The following FANCI variants were observed in gnomAD, a reference collection of about 807,000 sequenced individuals.
FANCI encodes Fanconi anemia group I protein.
FANCI carries 156 observed loss-of-function variants against 176.1 expected under a neutral mutation model. That is an observed-to-expected ratio of 0.89 (90% CI 0.78 to 1.01). FANCI has a LOEUF of 1.01. Ranked by LOEUF, FANCI falls within the 50% of genes least tolerant of loss-of-function variation. FANCI has a pLI of 0.00. For synonymous variants in FANCI, 613 were observed against 541.7 expected, an observed-to-expected ratio of 1.13 and a Z score of -1.83; for missense variants, 1,678 against 1,534.1, an observed-to-expected ratio of 1.09 and a Z score of -1.57.
At position 89,292,721 on chromosome 15, in the gene FANCI, G is replaced by T. The variant is rs756986642; in HGVS notation, c.2026G>T (p.Ala676Ser). The part of the protein sequence containing the change: ...YLLCCIQHCL[A>S]WYKNTVIPLQ... ...GCTGTGTTGTATTCAGCATTGTTTG[G>T]CCTGGTATAAGAATACAGTCATACC... is the stretch of plus-strand genomic sequence containing the variant. The change falls in exon 21 of 38, where the codon GCC becomes TCC. Residue 676 changes from alanine to serine, a missense_variant. Coordinates refer to ENST00000310775, the MANE Select transcript of FANCI (RefSeq NM_001113378.2). 6.8e-6 allele frequency: 11 copies of T among 1,613,606 alleles called. No homozygotes were observed. The African/African-American group carries it at 1.3e-4, about 20-fold the overall frequency.
Position 89,290,267 on chromosome 15 carries a change from A to G in FANCI, c.1876A>G (p.Thr626Ala), listed in dbSNP as rs2054009867. ...NSQLANSVMQ[T>A]LLSQLKQFYE... ...TCAGCTGGCTAATTCAGTCATGCAA[A>G]CTCTGCTCTCACAGGTAAAATACAT... is the stretch of plus-strand genomic sequence containing the variant. Residue 626 changes from threonine to alanine, a missense_variant, in exon 19 of 38, where the codon ACT (threonine) becomes GCT (alanine). By Grantham distance (58) the Thr-to-Ala change is moderately conservative. Transcript: ENST00000310775. 17 of 1,613,340 alleles carry G rather than the reference A, an allele frequency of 1.1e-5. No homozygotes were observed. Among genetic ancestry groups the G allele is most frequent in the Non-Finnish European group, 1.4e-5 (17 of 1,179,412 alleles).
chr15:89,247,774 C>T, intron 2 of FANCI, 43 bp downstream of exon 2: 3 of 1,518,860 alleles, frequency 2.0e-6, no homozygotes, highest in Non-Finnish European at 2.7e-6. Flanking sequence ...AAATGTCAGG[C>T]ATGATGACAC....
intron 14 of FANCI, among the ~76,000 whole-genome samples, chr15:89,280,612 T>C (rs369369571): frequency 2.0e-5 from 3 of 152,308 alleles, no homozygotes; most frequent in South Asian, 2.1e-4. Flanking sequence ...TACCAACTCA[T>C]AATGAGCTCT....
At chr15:89,303,101 C>G (rs551818445) in intron 27 of FANCI, among the ~76,000 whole-genome samples, 6 of 152,290 alleles carry the variant, frequency 3.9e-5, no homozygotes, top group African/African-American at 1.4e-4. Context: ...CCTCTTCACA[C>G]AAAAACTTGT....
At chr15:89,268,060 C>G (rs1337298324) in intron 9 of FANCI, among the ~76,000 whole-genome samples, 4 of 152,216 alleles carry the variant, frequency 2.6e-5, no homozygotes, top group African/African-American at 4.8e-5. Flanking sequence ...ATCGTAGCAC[C>G]TGTCCTTGTC....
At chr15:89,283,020 A>T in intron 16 of FANCI, 116 bp from the exon 17 acceptor site, 1 of 992,818 alleles carries the variant, frequency 1.0e-6, no homozygotes, top group Non-Finnish European at 1.6e-6. Context: ...GTTTTGCTCT[A>T]CGCTTCATTG....
At chr15:89,255,075 A>G (rs1482258270) in intron 2 of FANCI, among the ~76,000 whole-genome samples, 2 of 152,158 alleles carry the variant, frequency 1.3e-5, no homozygotes, top group Admixed American at 1.3e-4. Context: ...AGCATCCTAC[A>G]TTGCTCTTAG....
Position 89,314,620 on chromosome 15 carries a change from T to A in FANCI, c.3729T>A (p.Val1243=), listed in dbSNP as rs1251529923. The A allele has an allele frequency of 6.2e-7, 1 of 1,613,724 alleles. No individual in the cohort carries two copies. Among genetic ancestry groups the A allele is most frequent in the Non-Finnish European group, 8.5e-7 (1 of 1,179,716 alleles). The change falls in exon 36 of 38, where the codon GTT becomes GTA. Residue 1243 remains valine, a synonymous_variant. Coordinates refer to ENST00000310775, the MANE Select transcript of FANCI (RefSeq NM_001113378.2). Reference sequence around the variant, plus strand: ...ATGTTCTTTGCCCTTAGGCCAGAGTTCTTCGGGAAACCAAGCCAATCCCTA... The same window carrying A: ...ATGTTCTTTGCCCTTAGGCCAGAGTACTTCGGGAAACCAAGCCAATCCCTA... The part of the protein sequence containing the change: ...PAAVATAMAR[V]LRETKPIPNL...
chr15:89,289,411 T>G (rs1211995789), intron 18 of FANCI, among the ~76,000 whole-genome samples: 2 of 151,932 alleles, frequency 1.3e-5, no homozygotes, highest in Non-Finnish European at 2.9e-5. Context: ...TTTAAGCGAT[T>G]CTCCTGCCTC....
chr15:89,246,763 C>CTTTTTTTTTTTTTTT (rs35104299), intron 1 of FANCI, among the ~76,000 whole-genome samples: 1 of 113,940 alleles, frequency 8.8e-6, no homozygotes, highest in African/African-American at 3.4e-5. Flanking sequence ...TTCTTCCTTT[C>CTTTTTTTTTTTTTTT]TTTTTTTTTT....
chr15:89,305,170 G>T lies in FANCI; in HGVS notation c.3114G>T (p.Ser1038=), dbSNP rs567952571. ...ACTTGCTCTTCAGCCTGCATGTTTCGTATAAGAGTCCTGTCATTCTGCTGC... is the reference window on the plus strand; with the variant it reads ...ACTTGCTCTTCAGCCTGCATGTTTCTTATAAGAGTCCTGTCATTCTGCTGC... ...LMNLLFSLHV[S]YKSPVILLRD... Residue 1038 remains serine, a synonymous_variant, in exon 29 of 38, where the codon TCG becomes TCT. Coordinates refer to ENST00000310775, the MANE Select transcript of FANCI (RefSeq NM_001113378.2). 6.2e-7 allele frequency: 1 copy of T among 1,614,166 alleles called. No homozygotes were observed. Among genetic ancestry groups the T allele is most frequent in the Non-Finnish European group, 8.5e-7 (1 of 1,180,034 alleles).
At position 89,316,581 on chromosome 15, in the gene FANCI, T is replaced by C. The variant is rs369602200; in HGVS notation, c.*122T>C. The stretch of plus-strand genomic sequence containing the variant: ...GCATCTTGGTTCTGAACCCACTGAA[T>C]TCAACTGCACCTTCAGTTAGAAGGA... On this transcript the variant is annotated 3_prime_UTR_variant, in exon 38 of 38. Coordinates refer to ENST00000310775, the MANE Select transcript of FANCI (RefSeq NM_001113378.2). 1 of 1,144,134 alleles carries C rather than the reference T, an allele frequency of 8.7e-7. No individual in the cohort carries two copies. The highest frequency in any genetic ancestry group is 1.5e-5 in the African/African-American group (1 of 65,342). 70.9% of individuals were successfully genotyped at this position (1,144,134 alleles called of 1,614,324 possible). A position where few individuals can be genotyped will look rare whatever the true frequency, so the allele number is the denominator to read the frequency against.
chr15:89,244,543 G>A (rs1468523341), intron 1 of FANCI, among the ~76,000 whole-genome samples: 1 of 152,172 alleles, frequency 6.6e-6, no homozygotes, highest in African/African-American at 2.4e-5. Context: ...ACAGCCACCC[G>A]CCTCTGGTCT....
intron 37 of FANCI, 92 bp from the exon 38 acceptor site, chr15:89,316,305 T>G (rs2152046922): frequency 6.3e-5 from 80 of 1,273,254 alleles, no homozygotes; most frequent in Non-Finnish European, 8.0e-5. Context: ...AAGGCTTTGA[T>G]GAGAAGATAG....
intron 11 of FANCI, among the ~76,000 whole-genome samples, chr15:89,273,934 T>G (rs1596270104): frequency 1.3e-5 from 2 of 152,230 alleles, no homozygotes; most frequent in African/African-American, 4.8e-5. Flanking sequence ...AAGGCTTGTC[T>G]TCAGCTCCTT....
At chr15:89,271,829 A>T (rs1596265170) in intron 10 of FANCI, among the ~76,000 whole-genome samples, 1 of 152,156 alleles carries the variant, frequency 6.6e-6, no homozygotes, top group South Asian at 2.1e-4. Flanking sequence ...GTGGATATAT[A>T]TGAGTTTTGT....
At chr15:89,266,005 T>C (rs1421854724) in intron 9 of FANCI, among the ~76,000 whole-genome samples, 2 of 150,844 alleles carry the variant, frequency 1.3e-5, no homozygotes, top group African/African-American at 4.8e-5. Flanking sequence ...TTTCTTTTTT[T>C]TTTTTTTTTT....
chr15:89,245,695 G>A (rs573863236), intron 1 of FANCI: 1 of 152,246 alleles, frequency 6.6e-6, no homozygotes, highest in African/African-American at 2.4e-5. Flanking sequence ...CTGGAGCAGA[G>A]TGATGAAAGG....
intron 13 of FANCI, among the ~76,000 whole-genome samples, chr15:89,277,372 T>G (rs528120322): frequency 1.3e-5 from 2 of 152,120 alleles, no homozygotes; most frequent in East Asian, 3.9e-4. Context: ...TCCCAACACT[T>G]TGGGAGGCTG....
Sources: gnomAD v4.1 joint callset for allele counts (sites outside exome capture counted in the v4.1 genomes callset) on GRCh38, gnomAD v4.1.1 for gene constraint, MANE v1.5 for transcripts, NCBI Gene and HGNC (gene_info 2026-07-23, HGNC 2026-07-21) for gene names.